The following MACROD2 variants were observed in gnomAD, a reference collection of about 807,000 sequenced individuals.
The protein encoded by MACROD2 is ADP-ribose glycohydrolase MACROD2.
A neutral mutation model predicts 70.4 loss-of-function variants in MACROD2; 36 were observed. That is an observed-to-expected ratio of 0.51 (90% CI 0.39 to 0.68). The LOEUF (loss-of-function observed/expected upper bound fraction) is 0.68. Among genes scored for constraint, MACROD2 ranks in the 30% least tolerant of loss-of-function variants. The pLI is 0.00. For synonymous variants in MACROD2, 172 were observed against 178.8 expected, an observed-to-expected ratio of 0.96 and a Z score of 0.30; for missense variants, 496 against 538.4, an observed-to-expected ratio of 0.92 and a Z score of 0.78.
intron 3 of MACROD2, among the ~76,000 whole-genome samples, chr20:14,116,727 A>C (rs963761420): frequency 6.6e-6 from 1 of 152,042 alleles, no homozygotes; most frequent in Non-Finnish European, 1.5e-5. Context: ...CTTAGAACCC[A>C]GATTTGATGT....
chr20:14,377,747 C>T (rs992177839), intron 3 of MACROD2, among the ~76,000 whole-genome samples: 1 of 152,186 alleles, frequency 6.6e-6, no homozygotes, highest in Non-Finnish European at 1.5e-5. Flanking sequence ...AGCATGTTCT[C>T]TTATACTTAC....
At chr20:15,324,687 G>T (rs990118387) in intron 6 of MACROD2, among the ~76,000 whole-genome samples, 3 of 152,096 alleles carry the variant, frequency 2.0e-5, no homozygotes, top group Non-Finnish European at 4.4e-5. Flanking sequence ...ATAGAGACTG[G>T]TGGCCTTCGA....
chr20:14,723,460 A>C (rs921152272), intron 5 of MACROD2, among the ~76,000 whole-genome samples: 1 of 151,584 alleles, frequency 6.6e-6, no homozygotes, highest in Non-Finnish European at 1.5e-5. Context: ...TGGGCTTAAA[A>C]TATATGTTTA....
intron 4 of MACROD2, among the ~76,000 whole-genome samples, chr20:14,542,994 C>A (rs2085451706): frequency 1.3e-5 from 2 of 151,890 alleles, no homozygotes; most frequent in Admixed American, 6.6e-5. Flanking sequence ...TTAAAATAAT[C>A]TTTTATTTTA....
chr20:14,953,870 T>A (rs191075370), intron 5 of MACROD2, among the ~76,000 whole-genome samples: 2 of 152,286 alleles, frequency 1.3e-5, no homozygotes, highest in Middle Eastern at 3.4e-3. Context: ...AAGGAGAATT[T>A]ACTGCCTACC....
chr20:14,272,873 A>G (rs2082210000), intron 3 of MACROD2, among the ~76,000 whole-genome samples: 1 of 152,164 alleles, frequency 6.6e-6, no homozygotes, highest in Non-Finnish European at 1.5e-5. Context: ...ACTTTAAACC[A>G]ACAAAGATCA....
At chr20:15,485,976 A>G (rs2047158015) in intron 7 of MACROD2, among the ~76,000 whole-genome samples, 1 of 152,168 alleles carries the variant, frequency 6.6e-6, no homozygotes, top group Non-Finnish European at 1.5e-5. Context: ...AAAGAAACGT[A>G]TCCATATTAC....
intron 8 of MACROD2, among the ~76,000 whole-genome samples, chr20:15,694,499 C>T (rs2050340036): frequency 6.6e-6 from 1 of 151,974 alleles, no homozygotes; most frequent in South Asian, 2.1e-4. Context: ...TATTTGTTGG[C>T]CATTTGTATA....
chr20:15,302,050 C>T (rs79439843), intron 6 of MACROD2, among the ~76,000 whole-genome samples: 5,845 of 152,200 alleles, frequency 0.038, 144 homozygotes, highest in South Asian at 0.081. Flanking sequence ...ATCTCTGAAA[C>T]GTGGTCGGTG....
chr20:14,568,897 AC>A (rs1979990513), intron 4 of MACROD2, among the ~76,000 whole-genome samples: 1 of 151,716 alleles, frequency 6.6e-6, no homozygotes, highest in Non-Finnish European at 1.5e-5. Context: ...TCTCAGATTA[AC>A]CCCCTCCCTG....
intron 5 of MACROD2, among the ~76,000 whole-genome samples, chr20:15,145,401 A>G (rs1049032653): frequency 1.3e-5 from 2 of 152,144 alleles, no homozygotes; most frequent in Non-Finnish European, 2.9e-5. Context: ...TTCATACGAC[A>G]CCAATAATAC....
intron 4 of MACROD2, among the ~76,000 whole-genome samples, chr20:14,644,509 T>A (rs1190694312): frequency 6.6e-6 from 1 of 152,168 alleles, no homozygotes; most frequent in East Asian, 1.9e-4. Flanking sequence ...TATATACTAG[T>A]TTTTTTGTCC....
chr20:15,449,737 A>T (rs1380949360), intron 7 of MACROD2, among the ~76,000 whole-genome samples: 1 of 152,184 alleles, frequency 6.6e-6, no homozygotes, highest in Non-Finnish European at 1.5e-5. Flanking sequence ...TCATGCCCGT[A>T]ATCCCAGCAC....
rs192513235 is a variant in MACROD2 at position 15,204,674 on chromosome 20, T to A, written c.419-25266T>A. 1.7e-3 allele frequency among the ~76,000 whole-genome samples: 254 copies of A among 152,290 alleles called. No homozygotes were observed. The South Asian group carries it at 0.017, about 10-fold the overall frequency. Reference sequence around the variant, plus strand: ...TTAATTTGCCTTTGTAATAATTCCATTAAATGACTGCCAAGACCTTTTTCG... The same window carrying A: ...TTAATTTGCCTTTGTAATAATTCCAATAAATGACTGCCAAGACCTTTTTCG... On this transcript the variant is annotated intron_variant, in intron 5 of 17. Transcript: ENST00000684519.
chr20:15,600,914 C>T (rs1281962139), intron 8 of MACROD2, among the ~76,000 whole-genome samples: 1 of 152,180 alleles, frequency 6.6e-6, no homozygotes, highest in Non-Finnish European at 1.5e-5. Flanking sequence ...ATACAGAGTC[C>T]AGTTCTTACA....
intron 5 of MACROD2, among the ~76,000 whole-genome samples, chr20:14,807,834 A>G (rs1033615785): frequency 5.9e-5 from 9 of 152,170 alleles, no homozygotes; most frequent in African/African-American, 2.2e-4. Context: ...AGCAGAAGAA[A>G]GGATATCAGA....
chr20:15,346,904 G>A (rs964684225), intron 6 of MACROD2, among the ~76,000 whole-genome samples: 4 of 152,084 alleles, frequency 2.6e-5, no homozygotes, highest in Admixed American at 1.3e-4. Context: ...GAAATCTCTG[G>A]GGCTGAAAAT....
chr20:14,797,820 G>A (rs1317920592), intron 5 of MACROD2, among the ~76,000 whole-genome samples: 3 of 151,976 alleles, frequency 2.0e-5, no homozygotes, highest in Non-Finnish European at 4.4e-5. Flanking sequence ...TATTCCCAGT[G>A]CGTATTGCCA....
At chr20:15,325,644 T>C (rs1293508622) in intron 6 of MACROD2, among the ~76,000 whole-genome samples, 4 of 152,164 alleles carry the variant, frequency 2.6e-5, no homozygotes, top group African/African-American at 9.7e-5. Flanking sequence ...CAGAATCTAA[T>C]CAAGCTATGG....
Sources: allele counts gnomAD v4.1 joint callset (sites outside exome capture counted in the v4.1 genomes callset), GRCh38; gene constraint gnomAD v4.1.1; transcripts MANE v1.5; gene names NCBI Gene and HGNC (gene_info 2026-07-23, HGNC 2026-07-21).